CA12: variants seen among roughly 807,000 people sequenced by gnomAD.
The protein encoded by CA12 is carbonate dehydratase XII.
CA12 carries 36 observed loss-of-function variants against 46.8 expected under a neutral mutation model. The observed-to-expected ratio is 0.77, with a 90% CI of 0.59 to 1.02. CA12 has a LOEUF of 1.02. Among genes scored for constraint, CA12 ranks in the 50% least tolerant of loss-of-function variants. The probability of loss-of-function intolerance (pLI) is 0.00; values close to 1 mark genes in which losing one functional copy is unlikely to be tolerated. For missense variants in CA12, 436 were observed against 451.4 expected (o/e 0.97, Z 0.31); for synonymous variants, 202 against 187.0 (o/e 1.08, Z -0.65).
intron 2 of CA12, among the ~76,000 whole-genome samples, chr15:63,375,054 G>A (rs940886191): frequency 3.9e-5 from 6 of 152,290 alleles, no homozygotes; most frequent in African/African-American, 1.2e-4. Flanking sequence ...CTGCCAGATG[G>A]GGCTAACATG....
chr15:63,364,057 C>T (rs1188276262), intron 2 of CA12, among the ~76,000 whole-genome samples: 1 of 151,982 alleles, frequency 6.6e-6, no homozygotes, highest in Non-Finnish European at 1.5e-5. Flanking sequence ...CGTGGTGGCG[C>T]ATGCCTGTAA....
chr15:63,353,999 G>T (rs2039265311), intron 2 of CA12, among the ~76,000 whole-genome samples: 2 of 152,190 alleles, frequency 1.3e-5, no homozygotes, highest in Non-Finnish European at 2.9e-5. Flanking sequence ...TTGGTAAGAG[G>T]TTGACCCACC....
In CA12 at chr15:63,330,971, G is replaced by A. The variant is rs115254127; in HGVS notation, c.875-2841C>T. Among the ~76,000 whole-genome samples the A allele has an allele frequency of 3.7e-3, 564 of 152,352 alleles. 5 individuals carry two copies. Among genetic ancestry groups the A allele is most frequent in the African/African-American group, 0.013 (520 of 41,586 alleles). On this transcript the variant is annotated intron_variant, in intron 8 of 10. Transcript: ENST00000178638. The surrounding 1 kb of genome is among the most constrained non-coding windows in gnomAD (Gnocchi z 4.0). ...GCCAAGACTTTGATACAGCAAAAACGAAGCAGCTTGACTGAGCCAACATCA... is the reference window on the plus strand; with the variant it reads ...GCCAAGACTTTGATACAGCAAAAACAAAGCAGCTTGACTGAGCCAACATCA...
At chr15:63,368,337 C>T (rs1450569697) in intron 2 of CA12, among the ~76,000 whole-genome samples, 2 of 152,162 alleles carry the variant, frequency 1.3e-5, no homozygotes, top group African/African-American at 4.8e-5. Flanking sequence ...TGCGCTCCAC[C>T]GTGGTGCCTG....
intron 10 of CA12, among the ~76,000 whole-genome samples, chr15:63,326,667 T>G (rs947685494): frequency 6.6e-6 from 1 of 152,096 alleles, no homozygotes; most frequent in African/African-American, 2.4e-5. Context: ...ACCTTTTTAT[T>G]TTTCATACCC....
At chr15:63,354,171 C>A (rs1392502286) in intron 2 of CA12, among the ~76,000 whole-genome samples, 1 of 152,124 alleles carries the variant, frequency 6.6e-6, no homozygotes, top group African/African-American at 2.4e-5. Context: ...TATGTACAAA[C>A]AGAGGGCGAG....
In CA12 at chr15:63,340,447, T is replaced by C. The variant is rs747440707; in HGVS notation, c.590-2A>G. 1.2e-6 allele frequency: 2 copies of C among 1,614,160 alleles called. No individual in the cohort carries two copies. The highest frequency in any genetic ancestry group is 1.7e-6 in the Non-Finnish European group (2 of 1,180,020). ...ATCCCGGGACGAATGCTTCCTGGCC[T>C]AGAGAGACATGTTGCAGAGGTGATA... On this transcript the variant is annotated splice_acceptor_variant, in intron 6 of 10. Coordinates refer to ENST00000178638, the MANE Select transcript of CA12 (RefSeq NM_001218.5). LOFTEE classifies it high-confidence loss of function. The surrounding 1 kb of genome is among the most constrained non-coding windows in gnomAD (Gnocchi z 4.4).
intron 2 of CA12, among the ~76,000 whole-genome samples, chr15:63,368,042 T>C (rs1021587794): frequency 6.6e-6 from 1 of 152,188 alleles, no homozygotes; most frequent in African/African-American, 2.4e-5. Flanking sequence ...TTTTATACCG[T>C]TTTGCCTCCA....
chr15:63,349,207 G>T (rs2039193547), intron 2 of CA12, among the ~76,000 whole-genome samples: 2 of 152,186 alleles, frequency 1.3e-5, no homozygotes, highest in Non-Finnish European at 2.9e-5. Context: ...GTTCTGGAAG[G>T]TTCCTTCTGG....
At chr15:63,377,141 T>C (rs1478587686) in intron 1 of CA12, among the ~76,000 whole-genome samples, 3 of 152,200 alleles carry the variant, frequency 2.0e-5, no homozygotes, top group Admixed American at 6.5e-5. Context: ...GCTGTGCTCT[T>C]GTGACCCTGC....
intron 2 of CA12, among the ~76,000 whole-genome samples, chr15:63,349,148 G>A (rs538745186): frequency 1.8e-4 from 28 of 152,314 alleles, no homozygotes; most frequent in African/African-American, 5.1e-4. Context: ...CGTGCAAATG[G>A]TGGGGGTGGT....
At chr15:63,337,709 C>T (rs1042629984) in intron 8 of CA12, among the ~76,000 whole-genome samples, 4 of 151,510 alleles carry the variant, frequency 2.6e-5, no homozygotes, top group Non-Finnish European at 5.9e-5. Flanking sequence ...CCCACCTCGG[C>T]CTCCCAAAGG....
chr15:63,341,133 G>T lies in CA12; in HGVS notation c.526-350C>A, dbSNP rs2039073598. Among the ~76,000 whole-genome samples, 1 of 152,100 alleles carries T rather than the reference G, an allele frequency of 6.6e-6. No homozygotes were observed. Among genetic ancestry groups the T allele is most frequent in the Non-Finnish European group, 1.5e-5 (1 of 68,030 alleles). On this transcript the variant is annotated intron_variant, in intron 5 of 10. Coordinates refer to ENST00000178638, the MANE Select transcript of CA12 (RefSeq NM_001218.5). This position sits in a 1 kb window ranked among gnomAD's most constrained non-coding sequence, Gnocchi z 5.2. The stretch of plus-strand genomic sequence containing the variant: ...CTCTGAGTTCACAAAAGCCACGTCA[G>T]ACAAATGAGCATGTTGGGAAATGAG...
intron 8 of CA12, among the ~76,000 whole-genome samples, chr15:63,336,577 G>A (rs1405221332): frequency 3.3e-5 from 4 of 121,656 alleles, no homozygotes; most frequent in Non-Finnish European, 4.8e-5. Context: ...TTGAGACAGA[G>A]TCTCACTCTG....
rs2039056081 is a variant in CA12 at position 63,340,032 on chromosome 15, A to C, written c.747+256T>G. 2 of 499,436 alleles carry C rather than the reference A, an allele frequency of 4.0e-6. No individual in the cohort carries two copies. Among genetic ancestry groups the C allele is most frequent in the Non-Finnish European group, 7.3e-6 (2 of 275,592 alleles). 30.9% of individuals were successfully genotyped at this position (499,436 alleles called of 1,614,324 possible). A position where few individuals can be genotyped will look rare whatever the true frequency, so the allele number is the denominator to read the frequency against. ...TGAATACCACCCAGCCACTGAGGAT[A>C]TATTAGCAAATGCAGATTTAGAGCT... On this transcript the variant is annotated intron_variant, in intron 7 of 10. Transcript: ENST00000178638. This position sits in a 1 kb window ranked among gnomAD's most constrained non-coding sequence, Gnocchi z 4.4.
At position 63,327,187 on chromosome 15, in the gene CA12, A is replaced by G; in HGVS notation, c.954T>C (p.Ile318=). 1 of 1,614,124 alleles carries G rather than the reference A, an allele frequency of 6.2e-7. No individual in the cohort carries two copies. The highest frequency in any genetic ancestry group is 8.5e-7 in the Non-Finnish European group (1 of 1,179,984). The change falls in exon 10 of 11, where the codon ATT becomes ATC. Residue 318 remains isoleucine, a synonymous_variant. Transcript: ENST00000178638. The surrounding 1 kb of genome is among the most constrained non-coding windows in gnomAD (Gnocchi z 4.5). Reference sequence around the variant, plus strand: ...AAAGCCAAATGGACACCACCACCACAATACAGATGCCAAGAATGCCAGCCA... The same window carrying G: ...AAAGCCAAATGGACACCACCACCACGATACAGATGCCAAGAATGCCAGCCA... ...LALAGILGIC[I]VVVVSIWLFR... is the part of the protein sequence containing the mutation.
In CA12 at chr15:63,328,787, A is replaced by T. The variant is rs1056604819; in HGVS notation, c.875-657T>A. Among the ~76,000 whole-genome samples the T allele has an allele frequency of 1.3e-5, 2 of 150,680 alleles. No individual in the cohort carries two copies. The highest frequency in any genetic ancestry group is 1.3e-4 in the Admixed American group (2 of 15,172). ...ACAATCTTGGCTCACTGCAACCTCC[A>T]CCTCCTGGGTTCAAGCAATTCTCAT... On this transcript the variant is annotated intron_variant, in intron 8 of 10. Coordinates refer to ENST00000178638, the MANE Select transcript of CA12 (RefSeq NM_001218.5). This position sits in a 1 kb window ranked among gnomAD's most constrained non-coding sequence, Gnocchi z 5.9.
chr15:63,343,560 T>C (rs2039109339), intron 4 of CA12, among the ~76,000 whole-genome samples: 1 of 152,026 alleles, frequency 6.6e-6, no homozygotes, highest in African/African-American at 2.4e-5. Flanking sequence ...GGATTATAGG[T>C]GTGAGCCAAC....
intron 2 of CA12, among the ~76,000 whole-genome samples, chr15:63,353,678 G>A (rs12101495): frequency 0.026 from 3,908 of 152,096 alleles, 169 homozygotes; most frequent in African/African-American, 0.086. Flanking sequence ...AAATCCATCT[G>A]GAAACCAGAC....
Sources: allele counts gnomAD v4.1 joint callset (sites outside exome capture counted in the v4.1 genomes callset), GRCh38; gene constraint gnomAD v4.1.1; non-coding constraint Gnocchi (gnomAD v3.1); transcripts MANE v1.5; gene names NCBI Gene and HGNC (gene_info 2026-07-23, HGNC 2026-07-21).